Variants in PXDN observed in about 807,000 individuals in gnomAD.
PXDN encodes peroxidasin.
In PXDN, 77 loss-of-function variants were observed where a neutral mutation model predicts 140.3. The ratio of observed to expected loss-of-function variants is 0.55; its 90% CI spans 0.46 to 0.66. The LOEUF (loss-of-function observed/expected upper bound fraction) is 0.66. Among genes scored for constraint, PXDN ranks in the 30% least tolerant of loss-of-function variants. PXDN has a pLI of 0.00. For missense variants in PXDN, 1,838 were observed against 2,039.5 expected (o/e 0.90, Z 1.90); for synonymous variants, 911 against 857.4 (o/e 1.06, Z -1.09).
chr2:1,733,536 G>A (rs1274962480), intron 1 of PXDN, among the ~76,000 whole-genome samples: 1 of 152,130 alleles, frequency 6.6e-6, no homozygotes, highest in Admixed American at 6.5e-5. Context: ...GTAGTCAGGA[G>A]TTCGAGACCA....
Position 1,644,645 on chromosome 2 carries a change from T to A in PXDN, c.3716A>T (p.Gln1239Leu). Residue 1239 changes from glutamine (Q) to leucine (L), a missense_variant, in exon 18 of 23, where the codon CAG becomes CTG. Physicochemically the swap from Gln to Leu is moderately radical, Grantham distance 113. Around this residue, in one of 5 missense-constraint regions of PXDN, gnomAD observed 850 missense variants for 894.1 expected, o/e 0.95. Transcript: ENST00000252804. ...GTCCCCATCTCGCAGGCGCTTGAAC[T>A]GTGTGCTGAGAAGACACATCAGGGT... ...GPTLMCLLST[Q>L]FKRLRDGDRL... 6.2e-7 allele frequency: 1 copy of A among 1,607,914 alleles called. No homozygotes were observed. The highest frequency in any genetic ancestry group is 1.1e-5 in the South Asian group (1 of 90,150).
chr2:1,712,059 T>C (rs10184406), intron 1 of PXDN, among the ~76,000 whole-genome samples: 59,127 of 151,928 alleles, frequency 0.39, 12,528 homozygotes, highest in East Asian at 0.6. Context: ...GAATATATAT[T>C]GATCAAGATC....
chr2:1,677,244 T>A (rs981169252), intron 7 of PXDN, among the ~76,000 whole-genome samples, 200 bp from the exon 8 acceptor site: 4 of 152,164 alleles, frequency 2.6e-5, no homozygotes, highest in Non-Finnish European at 5.9e-5. Context: ...ATGATGTCTA[T>A]GCCTCAGGGT....
At chr2:1,706,289 G>A (rs1684605517) in intron 1 of PXDN, among the ~76,000 whole-genome samples, 1 of 152,202 alleles carries the variant, frequency 6.6e-6, no homozygotes. Flanking sequence ...CTGGGTCACA[G>A]TCCTGCCTCC....
intron 1 of PXDN, among the ~76,000 whole-genome samples, chr2:1,735,899 T>C (rs977882013): frequency 2.0e-5 from 3 of 152,212 alleles, no homozygotes; most frequent in Non-Finnish European, 4.4e-5. Context: ...AAATCTGTTG[T>C]TGAATGTGGC....
At chr2:1,733,691 G>A (rs986033761) in intron 1 of PXDN, among the ~76,000 whole-genome samples, 4 of 138,452 alleles carry the variant, frequency 2.9e-5, no homozygotes, top group African/African-American at 1.1e-4. Context: ...GCAGTGAGCC[G>A]AGATGGTGCC....
At chr2:1,653,975 A>T in intron 15 of PXDN, 190 bp from the exon 16 acceptor site, 1 of 630,464 alleles carries the variant, frequency 1.6e-6, no homozygotes. Flanking sequence ...CAAAAACCGG[A>T]AGACACTAAA....
chr2:1,635,641 A>G (rs956738441), intron 21 of PXDN, 120 bp from the exon 22 acceptor site: 1 of 812,408 alleles, frequency 1.2e-6, no homozygotes, highest in Non-Finnish European at 2.1e-6. Flanking sequence ...TTTGAGGGGA[A>G]TATTTCTGAA....
chr2:1,709,885 G>A (rs907225843), intron 1 of PXDN, among the ~76,000 whole-genome samples: 1 of 152,172 alleles, frequency 6.6e-6, no homozygotes, highest in African/African-American at 2.4e-5. Context: ...ACCCAACTCT[G>A]CTGGCATCTT....
Position 1,649,051 on chromosome 2 carries a change from A to C in PXDN, c.2729T>G (p.Ile910Arg). 6.2e-7 allele frequency: 1 copy of C among 1,612,442 alleles called. No individual in the cohort carries two copies. The highest frequency in any genetic ancestry group is 8.5e-7 in the Non-Finnish European group (1 of 1,179,670). ...GCTCCCGTACACGTTGGATGCGTCT[A>C]TGTAGGAGGTGAGCTGGTTGATCTG... The part of the protein sequence containing the change: ...REQINQLTSY[I>R]DASNVYGSTE... The change falls in exon 17 of 23, where the codon ATA (isoleucine) becomes AGA (arginine). Residue 910 changes from isoleucine (I) to arginine (R), a missense_variant. Coordinates refer to ENST00000252804, the MANE Select transcript of PXDN (RefSeq NM_012293.3). This position sits in a 1 kb window ranked among gnomAD's most constrained non-coding sequence, Gnocchi z 7.1.
At chr2:1,661,479 T>A (rs534245585) in intron 13 of PXDN, among the ~76,000 whole-genome samples, 3 of 152,296 alleles carry the variant, frequency 2.0e-5, no homozygotes, top group African/African-American at 7.2e-5. Context: ...CAAGAGCAGA[T>A]GCCTGGGGTG....
intron 3 of PXDN, among the ~76,000 whole-genome samples, chr2:1,691,100 T>A (rs1331170750): frequency 6.6e-6 from 1 of 150,624 alleles, no homozygotes; most frequent in African/African-American, 2.5e-5. Flanking sequence ...GAACTTAAAG[T>A]AAAATAAAAA....
chr2:1,743,766 C>G (rs1685614069), intron 1 of PXDN, among the ~76,000 whole-genome samples: 1 of 69,888 alleles, frequency 1.4e-5, no homozygotes, highest in South Asian at 5.1e-4. Context: ...GGACGAGGAA[C>G]GGGGCGGAGG....
chr2:1,701,993 C>T (rs1684446504), intron 1 of PXDN, among the ~76,000 whole-genome samples: 1 of 152,114 alleles, frequency 6.6e-6, no homozygotes, highest in South Asian at 2.1e-4. Flanking sequence ...TTGGTAACTG[C>T]TGCTGTGTTT....
At chr2:1,730,601 T>C (rs1475185580) in intron 1 of PXDN, among the ~76,000 whole-genome samples, 1 of 152,198 alleles carries the variant, frequency 6.6e-6, no homozygotes, top group African/African-American at 2.4e-5. Context: ...GGAGGAGGCA[T>C]GGTTTACATC....
rs1684729890 is a variant in PXDN at position 1,710,556 on chromosome 2, ACTCTCCACCAGCACCCT to A, written c.201-17439_201-17423del. ...ACGAACACCCACTCCACCAGCACCC[ACTCTCCACCAGCACCCT>A]CTCCACTAGCACCCTCTCCACCAGC... On this transcript the variant is annotated intron_variant, in intron 1 of 22. Coordinates refer to ENST00000252804, the MANE Select transcript of PXDN (RefSeq NM_012293.3). 2.7e-5 allele frequency among the ~76,000 whole-genome samples: 3 copies of A among 111,336 alleles called. No individual in the cohort carries two copies. The East Asian group carries it at 8.7e-4, about 32-fold the overall frequency. The allele number at this position is 111,336 out of a possible 152,430, so 73.0% of individuals were successfully genotyped here. A position where few individuals can be genotyped will look rare whatever the true frequency, so the allele number is the denominator to read the frequency against.
At chr2:1,733,825 A>T (rs1685369720) in intron 1 of PXDN, among the ~76,000 whole-genome samples, 1 of 151,982 alleles carries the variant, frequency 6.6e-6, no homozygotes, top group Non-Finnish European at 1.5e-5. Flanking sequence ...TCATTCAAAA[A>T]TTAAGGCAAG....
chr2:1,727,886 A>G (rs1685225893), intron 1 of PXDN, among the ~76,000 whole-genome samples: 1 of 152,212 alleles, frequency 6.6e-6, no homozygotes, highest in South Asian at 2.1e-4. Context: ...AAGGACTGCT[A>G]AACTGTTCAC....
At chr2:1,662,386 C>T (rs571749924) in intron 12 of PXDN, among the ~76,000 whole-genome samples, 2 of 152,342 alleles carry the variant, frequency 1.3e-5, no homozygotes, top group Non-Finnish European at 2.9e-5. Context: ...AAGATCCGCC[C>T]GCCTCCCCGC....
Sources: gnomAD v4.1 joint callset for allele counts (sites outside exome capture counted in the v4.1 genomes callset) on GRCh38, gnomAD v4.1.1 for gene constraint, gnomAD v4.1.1 regional missense constraint, Gnocchi (gnomAD v3.1) non-coding constraint, MANE v1.5 for transcripts, NCBI Gene and HGNC (gene_info 2026-07-23, HGNC 2026-07-21) for gene names.